DIAPH2: variants seen among roughly 807,000 people sequenced by gnomAD.
DIAPH2 encodes protein diaphanous homolog 2.
A neutral mutation model predicts 92.7 loss-of-function variants in DIAPH2; 35 were observed. The observed-to-expected ratio is 0.38, with a 90% CI of 0.29 to 0.50. DIAPH2 has a LOEUF of 0.50. DIAPH2 is among the 20% of genes least tolerant of loss of function. The pLI, the probability that DIAPH2 is intolerant of heterozygous loss-of-function variation, is 0.94. For missense variants in DIAPH2, 701 were observed against 819.5 expected, an observed-to-expected ratio of 0.86 and a Z score of 1.77; for synonymous variants, 301 against 280.4, an observed-to-expected ratio of 1.07 and a Z score of -0.73.
chrX:96,708,485 C>T (rs774508411), intron 1 of DIAPH2, among the ~76,000 whole-genome samples: 2 of 110,648 alleles, frequency 1.8e-5, no homozygotes, highest in East Asian at 2.9e-4. Context: ...TGTGATCCAC[C>T]TGCCTCAGTC....
rs1423959685 is a variant in DIAPH2 at position 96,756,646 on chromosome X, TG to T, written c.343-1505del. Reference sequence around the variant, plus strand: ...TTTCATTTTGCTTAGGTATGTAAGCTGGGTCATATGGTAGATAAATCTGTTT... The same window carrying T: ...TTTCATTTTGCTTAGGTATGTAAGCTGGTCATATGGTAGATAAATCTGTTT... On this transcript the variant is annotated intron_variant, in intron 3 of 26. Coordinates refer to ENST00000324765, the MANE Select transcript of DIAPH2 (RefSeq NM_006729.5). Among the ~76,000 whole-genome samples the T allele has an allele frequency of 5.8e-4, 65 of 111,737 alleles. 1 individual carries two copies. In the Admixed American group the frequency reaches 6.2e-3, roughly 11 times the overall value.
chrX:97,321,334 A>G (rs1469600365), intron 23 of DIAPH2, among the ~76,000 whole-genome samples: 3 of 110,677 alleles, frequency 2.7e-5, no homozygotes, highest in Non-Finnish European at 5.7e-5. Flanking sequence ...TATAGGCATT[A>G]TCATACCCCT....
Position 97,209,644 on chromosome X carries a change from GTTTAT to G in DIAPH2, c.2720-38066_2720-38062del, listed in dbSNP as rs1349641344. ...TTTGTTGCAAATGTTTTCCTATTCT[GTTTAT>G]TTTAATTACAGTTAATTATAATTAT... On this transcript the variant is annotated intron_variant, in intron 22 of 26. Transcript: ENST00000324765. Among the ~76,000 whole-genome samples the G allele has an allele frequency of 1.6e-4, 18 of 110,647 alleles. No homozygotes were observed. The East Asian group carries it at 5.1e-3, about 31-fold the overall frequency.
In DIAPH2 at chrX:96,884,621, C is replaced by T. The variant is rs774485213; in HGVS notation, c.587+2903C>T. Reference sequence around the variant, plus strand: ...GATATGACCGCGAAACCAATCGAGGCCCGACAGTGGTTTGGTAGAGAGAAA... The same window carrying T: ...GATATGACCGCGAAACCAATCGAGGTCCGACAGTGGTTTGGTAGAGAGAAA... On this transcript the variant is annotated intron_variant, in intron 5 of 26. Transcript: ENST00000324765. The T allele has an allele frequency of 9.1e-6, 11 of 1,207,271 alleles. No individual in the cohort carries two copies. The South Asian group carries it at 1.6e-4, about 17-fold the overall frequency.
chrX:97,503,506 A>T (rs1367757392), intron 26 of DIAPH2, among the ~76,000 whole-genome samples: 1 of 112,064 alleles, frequency 8.9e-6, no homozygotes, highest in Non-Finnish European at 1.9e-5. Context: ...GATTTTCTCC[A>T]GGTCATGTAG....
In DIAPH2 at chrX:97,224,252, C is replaced by T. The variant is rs186159872; in HGVS notation, c.2720-23463C>T. 1.6e-3 allele frequency among the ~76,000 whole-genome samples: 178 copies of T among 111,716 alleles called. 2 individuals are homozygous for T. The Middle Eastern group carries it at 0.023, about 14-fold the overall frequency. The stretch of plus-strand genomic sequence containing the variant: ...CTTCATCTTTTTACGCTTTAATAAA[C>T]TAAGCAGAAGATTGAGATCATTAGA... On this transcript the variant is annotated intron_variant, in intron 22 of 26. Coordinates refer to ENST00000324765, the MANE Select transcript of DIAPH2 (RefSeq NM_006729.5).
chrX:97,020,776 G>A (rs186736490), intron 17 of DIAPH2, among the ~76,000 whole-genome samples: 1 of 112,034 alleles, frequency 8.9e-6, no homozygotes, highest in East Asian at 2.8e-4. Flanking sequence ...CTGAGAGATT[G>A]TATCATGTTA....
At chrX:97,305,574 C>G (rs1242926461) in intron 23 of DIAPH2, among the ~76,000 whole-genome samples, 1 of 109,999 alleles carries the variant, frequency 9.1e-6, no homozygotes, top group Admixed American at 9.8e-5. Context: ...AATCCCAGCA[C>G]TTTGGGAGGC....
intron 9 of DIAPH2, among the ~76,000 whole-genome samples, chrX:96,928,284 G>T (rs1213730689): frequency 9.0e-6 from 1 of 110,882 alleles, no homozygotes; most frequent in Non-Finnish European, 1.9e-5. Flanking sequence ...ATTATGTAAA[G>T]GACCTAATAC....
At chrX:97,460,502 G>A (rs2070449771) in intron 26 of DIAPH2, among the ~76,000 whole-genome samples, 1 of 112,126 alleles carries the variant, frequency 8.9e-6, no homozygotes, top group South Asian at 3.7e-4. Flanking sequence ...CCACAAAGAT[G>A]AGCAGAATAG....
At chrX:96,750,275 G>A (rs1170470457) in intron 3 of DIAPH2, among the ~76,000 whole-genome samples, 1 of 110,506 alleles carries the variant, frequency 9.0e-6, no homozygotes, top group Non-Finnish European at 1.9e-5. Context: ...TGATCCGCCC[G>A]CCTTGGCCTC....
chrX:96,775,657 C>T (rs746829463), intron 4 of DIAPH2, among the ~76,000 whole-genome samples: 1 of 110,180 alleles, frequency 9.1e-6, no homozygotes, highest in Non-Finnish European at 1.9e-5. Flanking sequence ...ATGCTTAGAG[C>T]GTACGTTAAA....
intron 17 of DIAPH2, among the ~76,000 whole-genome samples, chrX:96,974,241 C>T (rs1222509878): frequency 8.9e-6 from 1 of 111,874 alleles, no homozygotes; most frequent in African/African-American, 3.3e-5. Flanking sequence ...GACTTTGTGG[C>T]GTAGGTGGCA....
At chrX:96,930,892 T>G in intron 10 of DIAPH2, 49 bp downstream of exon 10, 1 of 1,115,080 alleles carries the variant, frequency 9.0e-7, no homozygotes, top group East Asian at 3.3e-5. Flanking sequence ...TAAAATTTTT[T>G]TCACTTCCAC....
chrX:96,971,670 C>A (rs765602581), intron 17 of DIAPH2, among the ~76,000 whole-genome samples: 2 of 111,313 alleles, frequency 1.8e-5, no homozygotes, highest in African/African-American at 3.3e-5. Context: ...TATTTTCATT[C>A]CTCTTAACGT....
chrX:97,410,950 G>A (rs1006517551), intron 25 of DIAPH2, among the ~76,000 whole-genome samples: 1 of 111,893 alleles, frequency 8.9e-6, no homozygotes, highest in African/African-American at 3.2e-5. Flanking sequence ...GAAAGTGACG[G>A]GGAGAATGGA....
intron 22 of DIAPH2, among the ~76,000 whole-genome samples, 172 bp downstream of exon 22, chrX:97,141,966 A>G (rs2067211532): frequency 8.9e-6 from 1 of 112,322 alleles, no homozygotes; most frequent in African/African-American, 3.2e-5. Flanking sequence ...CTACATTTTA[A>G]TAACCTATTT....
intron 23 of DIAPH2, among the ~76,000 whole-genome samples, chrX:97,298,680 T>C (rs1434479310): frequency 9.5e-6 from 1 of 105,163 alleles, no homozygotes; most frequent in Non-Finnish European, 1.9e-5. Context: ...AGTGGCGCGA[T>C]CTTGGCTCAC....
chrX:97,262,732 G>T (rs1747777790), intron 23 of DIAPH2, among the ~76,000 whole-genome samples: 1 of 111,657 alleles, frequency 9.0e-6, no homozygotes, highest in Non-Finnish European at 1.9e-5. Flanking sequence ...ATTAAAGACA[G>T]AAATCTAGGA....
Sources: allele counts gnomAD v4.1 joint callset (sites outside exome capture counted in the v4.1 genomes callset), GRCh38; gene constraint gnomAD v4.1.1; transcripts MANE v1.5; gene names NCBI Gene and HGNC (gene_info 2026-07-23, HGNC 2026-07-21).